Variants in MAST3 observed in about 807,000 individuals in gnomAD.
MAST3 encodes microtubule-associated serine/threonine-protein kinase 3.
A neutral mutation model predicts 127.0 loss-of-function variants in MAST3; 43 were observed. That is an observed-to-expected ratio of 0.34 (90% CI 0.27 to 0.44). The LOEUF (loss-of-function observed/expected upper bound fraction) is 0.44, where lower values mean the gene tolerates loss of function less well. MAST3 is among the 20% of genes least tolerant of loss of function. The pLI is 1.00. For synonymous variants in MAST3, 785 were observed against 809.2 expected (o/e 0.97, Z 0.51); for missense variants, 1,390 against 1,919.1 (o/e 0.72, Z 5.15).
In MAST3 at chr19:18,097,804, G is replaced by C. The variant is rs906556040; in HGVS notation, c.12G>C (p.Ser4=). 7 of 1,224,624 alleles carry C rather than the reference G, an allele frequency of 5.7e-6. No homozygotes were observed. The highest frequency in any genetic ancestry group is 8.2e-5 in the South Asian group (2 of 24,354). The allele number at this position is 1,224,624 out of a possible 1,614,324, so 75.9% of individuals were successfully genotyped here. Residue 4 remains serine (S), a synonymous_variant, in exon 1 of 28, where the codon TCG becomes TCC. Transcript: ENST00000687212. ...CGGACTCCCGGGCCATGGACGAGTC[G>C]AGCCTCCTGCGGCGCCGCGGGCTCC... is the stretch of plus-strand genomic sequence containing the variant. MDE[S]SLLRRRGLQK...
At chr19:18,102,306 G>C (rs1268759771) in intron 1 of MAST3, among the ~76,000 whole-genome samples, 9 of 151,650 alleles carry the variant, frequency 5.9e-5, no homozygotes, top group Admixed American at 5.9e-4. Flanking sequence ...CAGCCTCCCA[G>C]GTAGCTGGGA....
rs201221552 is a variant in MAST3, at chr19:18,145,044, C to T, written c.2854C>T (p.Arg952Cys). The T allele has an allele frequency of 3.7e-6, 6 of 1,610,384 alleles. No homozygotes were observed. In the African/African-American group the frequency reaches 4.0e-5, roughly 11 times the overall value. The stretch of plus-strand genomic sequence containing the variant: ...CCCCCTCATGAGCCCCCTTTCCCCG[C>T]GCTCTCTGTCCTCGAACCCGTCGTC... Reference protein sequence around the residue: ...GGPLMSPLSPRSLSSNPSSRD... With the variant: ...GGPLMSPLSPCSLSSNPSSRD... The change falls in exon 24 of 28, where the codon CGC becomes TGC. Residue 952 changes from arginine (R) to cysteine (C), a missense_variant. Coordinates refer to ENST00000687212, the MANE Select transcript of MAST3 (RefSeq NM_001393504.1). The surrounding 1 kb of genome is among the most constrained non-coding windows in gnomAD (Gnocchi z 5.9).
chr19:18,118,294 G>C (rs2147101368), intron 3 of MAST3: 1 of 971,508 alleles, frequency 1.0e-6, no homozygotes, highest in South Asian at 4.8e-5. Context: ...GCGGCCAGCC[G>C]AGCAAACAGG....
Position 18,113,269 on chromosome 19 carries a change from C to T in MAST3, c.161+2528C>T, listed in dbSNP as rs111897883. ...AGCTCATAAACGTCCCAACAGAGTCCAGCCTCTGCAACTCCCCTGCCTCCT... is the reference window on the plus strand; with the variant it reads ...AGCTCATAAACGTCCCAACAGAGTCTAGCCTCTGCAACTCCCCTGCCTCCT... On this transcript the variant is annotated intron_variant, in intron 3 of 27. Transcript: ENST00000687212. 3.4e-3 allele frequency among the ~76,000 whole-genome samples: 515 copies of T among 152,066 alleles called. 2 individuals carry two copies. The highest frequency in any genetic ancestry group is 0.012 in the African/African-American group (482 of 41,492).
At chr19:18,108,869 T>C (rs868410960) in intron 2 of MAST3, among the ~76,000 whole-genome samples, 50 of 151,998 alleles carry the variant, frequency 3.3e-4, no homozygotes, top group African/African-American at 1.2e-3. Flanking sequence ...AATGAACATT[T>C]TTTTGAGCAC....
At chr19:18,138,334 T>C (rs1250290295) in intron 19 of MAST3, among the ~76,000 whole-genome samples, 1 of 111,134 alleles carries the variant, frequency 9.0e-6, no homozygotes, top group Non-Finnish European at 1.9e-5. Flanking sequence ...TTTTTTTTTT[T>C]GAGACGGAGT....
At chr19:18,106,114 GT>G (rs2038052164) in intron 1 of MAST3, among the ~76,000 whole-genome samples, 1 of 151,968 alleles carries the variant, frequency 6.6e-6, no homozygotes, top group South Asian at 2.1e-4. Flanking sequence ...TAGACTTAGA[GT>G]CTTGCTCTGT....
chr19:18,137,398 G>A (rs1332799981), intron 19 of MAST3, 37 bp downstream of exon 19: 1 of 1,598,622 alleles, frequency 6.3e-7, no homozygotes, highest in South Asian at 1.1e-5. Context: ...GGCGGGGGGT[G>A]CTCTGCCATC....
In MAST3 at chr19:18,130,647, G is replaced by T. The variant is rs374718242; in HGVS notation, c.1377G>T (p.Met459Ile). The part of the protein sequence containing the change: ...TFAENPFVVS[M>I]FCSFETRRHL... ...CCGAGAACCCCTTTGTGGTCAGCAT[G>T]TTCTGCTCCTTTGAGACCCGGCGCC... Residue 459 changes from methionine (M) to isoleucine (I), a missense_variant, in exon 14 of 28, where the codon ATG becomes ATT. Met to Ile is a conservative substitution (Grantham distance 10, BLOSUM62 1). Transcript: ENST00000687212. 6.2e-7 allele frequency: 1 copy of T among 1,614,012 alleles called. No individual in the cohort carries two copies. Among genetic ancestry groups the T allele is most frequent in the African/African-American group, 1.3e-5 (1 of 74,948 alleles).
chr19:18,122,652 T>C (rs1161570275), intron 5 of MAST3, 21 bp from the exon 6 acceptor site: 1 of 1,607,586 alleles, frequency 6.2e-7, no homozygotes. Flanking sequence ...TCCTTCCATC[T>C]GTTCTTGTTC....
chr19:18,141,830 A>G (rs1056779455), intron 20 of MAST3, 52 bp from the exon 21 acceptor site: 2 of 1,307,506 alleles, frequency 1.5e-6, no homozygotes, highest in Middle Eastern at 2.1e-4. Context: ...TGCTGGGATT[A>G]CAGGCATGAG....
At position 18,141,890 on chromosome 19, in the gene MAST3, C is replaced by T. The variant is rs1422152925; in HGVS notation, c.2214C>T (p.Ser738=). 7 of 1,476,666 alleles carry T rather than the reference C, an allele frequency of 4.7e-6. No individual in the cohort carries two copies. In the African/African-American group the frequency reaches 8.5e-5, roughly 18 times the overall value. The allele number at this position is 1,476,666 out of a possible 1,614,324, so 91.5% of individuals were successfully genotyped here. The change falls in exon 21 of 28, where the codon AGC becomes AGT. Residue 738 remains serine (S), a synonymous_variant. Coordinates refer to ENST00000687212, the MANE Select transcript of MAST3 (RefSeq NM_001393504.1). ...SCSHRFSKVY[S]SSEFLAVQPT... ...TTTGTCTTGCCTCCCAGGTCTACAG[C>T]AGCTCTGAGTTCCTGGCCGTCCAGC...
At chr19:18,132,133 C>A (rs3746189) in intron 15 of MAST3, 86 bp downstream of exon 15, 15 of 1,550,882 alleles carry the variant, frequency 9.7e-6, no homozygotes, top group Non-Finnish European at 1.2e-5. Flanking sequence ...CAGGGCAGAG[C>A]CTCTGAGGTG....
chr19:18,118,546 G>T (rs1031592757), intron 3 of MAST3, among the ~76,000 whole-genome samples: 1 of 152,160 alleles, frequency 6.6e-6, no homozygotes, highest in Non-Finnish European at 1.5e-5. Flanking sequence ...CCAGGGCTGG[G>T]CAGAACCAGG....
intron 1 of MAST3, among the ~76,000 whole-genome samples, chr19:18,101,368 T>TCTC (rs79073885): frequency 0.15 from 21,470 of 142,196 alleles, 1,828 homozygotes; most frequent in Admixed American, 0.23. Flanking sequence ...TCCTTCTCCT[T>TCTC]CTCCTCCTCC....
At chr19:18,122,047 C>A in intron 5 of MAST3, 125 bp downstream of exon 5, 1 of 1,487,846 alleles carries the variant, frequency 6.7e-7, no homozygotes, top group Non-Finnish European at 9.0e-7. Flanking sequence ...TCCCCTGGCC[C>A]GTCTGGTGGT....
chr19:18,123,897 GC>G (rs1599753877), intron 8 of MAST3, 41 bp from the exon 9 acceptor site: 7 of 1,517,426 alleles, frequency 4.6e-6, no homozygotes, highest in Non-Finnish European at 6.2e-6. Flanking sequence ...TGTCACTCCA[GC>G]CCCGCCCTCT....
At chr19:18,102,626 C>A (rs1414950232) in intron 1 of MAST3, among the ~76,000 whole-genome samples, 2 of 151,896 alleles carry the variant, frequency 1.3e-5, no homozygotes, top group East Asian at 3.9e-4. Flanking sequence ...GGACTACAGG[C>A]GCCTGCCACC....
At chr19:18,118,437 C>T (rs1432525291) in intron 3 of MAST3, among the ~76,000 whole-genome samples, 2 of 152,200 alleles carry the variant, frequency 1.3e-5, no homozygotes, top group Non-Finnish European at 2.9e-5. Flanking sequence ...CCTTTCGCCC[C>T]TCGTTCCCTG....
Sources: gnomAD v4.1 joint callset for allele counts (sites outside exome capture counted in the v4.1 genomes callset) on GRCh38, gnomAD v4.1.1 for gene constraint, Gnocchi (gnomAD v3.1) non-coding constraint, MANE v1.5 for transcripts, NCBI Gene and HGNC (gene_info 2026-07-23, HGNC 2026-07-21) for gene names.